The following GNG2 variants were observed in gnomAD, a reference collection of about 807,000 sequenced individuals.
GNG2 encodes G protein subunit gamma 2.
In GNG2, 5 loss-of-function variants were observed where a neutral mutation model predicts 5.5. The observed-to-expected ratio is 0.91, with a 90% CI of 0.48 to 1.92. The LOEUF is 1.92. GNG2 is among the 30% of genes most tolerant of loss of function. The probability of loss-of-function intolerance (pLI) is 0.01; values close to 1 mark genes in which losing one functional copy is unlikely to be tolerated. For synonymous variants in GNG2, 28 were observed against 32.0 expected, an observed-to-expected ratio of 0.88 and a Z score of 0.42; for missense variants, 55 against 88.4, an observed-to-expected ratio of 0.62 and a Z score of 1.52.
At chr14:51,913,488 TG>T (rs1447254810) in intron 2 of GNG2, among the ~76,000 whole-genome samples, 1 of 152,138 alleles carries the variant, frequency 6.6e-6, no homozygotes, top group Non-Finnish European at 1.5e-5. Flanking sequence ...CACTCCAGTC[TG>T]GGTGACAGAG....
intron 2 of GNG2, among the ~76,000 whole-genome samples, chr14:51,880,499 C>T (rs931113354): frequency 6.6e-6 from 1 of 152,144 alleles, no homozygotes; most frequent in Admixed American, 6.5e-5. Context: ...AAATAGATCA[C>T]TGGGTTATTT....
intron 2 of GNG2, among the ~76,000 whole-genome samples, chr14:51,832,093 A>C (rs1047539289): frequency 6.6e-6 from 1 of 152,028 alleles, no homozygotes; most frequent in Non-Finnish European, 1.5e-5. Context: ...CAGCTTGGAC[A>C]ACATGGCGAG....
intron 2 of GNG2, among the ~76,000 whole-genome samples, chr14:51,835,669 C>A (rs1232341599): frequency 6.6e-6 from 1 of 152,194 alleles, no homozygotes; most frequent in African/African-American, 2.4e-5. Context: ...CTCCCCTGAC[C>A]TACAACTTCT....
chr14:51,932,724 T>A (rs1440073884), intron 2 of GNG2, among the ~76,000 whole-genome samples: 1 of 152,204 alleles, frequency 6.6e-6, no homozygotes, highest in Non-Finnish European at 1.5e-5. Flanking sequence ...AAGGAAGCCA[T>A]CCATTGTGTT....
intron 2 of GNG2, among the ~76,000 whole-genome samples, chr14:51,852,930 T>C (rs745450813): frequency 3.4e-4 from 52 of 152,226 alleles, no homozygotes; most frequent in Non-Finnish European, 4.4e-4. Flanking sequence ...GAACAGATTT[T>C]TTTTTCCTGC....
chr14:51,834,945 A>C (rs1195218359), intron 2 of GNG2, among the ~76,000 whole-genome samples: 2 of 152,222 alleles, frequency 1.3e-5, no homozygotes, highest in African/African-American at 4.8e-5. Flanking sequence ...TAAATGAATA[A>C]GGACAAAAAT....
chr14:51,902,521 T>C (rs891864937), intron 2 of GNG2, among the ~76,000 whole-genome samples: 2 of 152,206 alleles, frequency 1.3e-5, no homozygotes, highest in African/African-American at 4.8e-5. Context: ...TATGAACAAC[T>C]CTTCAACCTC....
At chr14:51,915,961 T>C (rs1886594213) in intron 2 of GNG2, among the ~76,000 whole-genome samples, 1 of 152,160 alleles carries the variant, frequency 6.6e-6, no homozygotes, top group Admixed American at 6.5e-5. Flanking sequence ...ATAACTGTCA[T>C]TTTCAGGACG....
chr14:51,846,710 T>C (rs1423940235), intron 2 of GNG2, among the ~76,000 whole-genome samples: 1 of 152,174 alleles, frequency 6.6e-6, no homozygotes, highest in South Asian at 2.1e-4. Context: ...CCCGTCACCA[T>C]GCCAACACCC....
chr14:51,846,128 C>T (rs1881618245), intron 2 of GNG2, among the ~76,000 whole-genome samples: 1 of 152,064 alleles, frequency 6.6e-6, no homozygotes, highest in Non-Finnish European at 1.5e-5. Context: ...AACCATTTGT[C>T]AAAAGGCAGA....
At chr14:51,877,531 CTT>C in intron 1 of GNG2, 84 bp from the exon 2 acceptor site, 1 of 439,028 alleles carries the variant, frequency 2.3e-6, no homozygotes, top group Non-Finnish European at 4.6e-6. Flanking sequence ...GTTTCAGAAA[CTT>C]CATTCATTCT....
chr14:51,877,776 CAT>C, intron 2 of GNG2, 119 bp downstream of exon 2: 1 of 318,794 alleles, frequency 3.1e-6, no homozygotes, highest in South Asian at 2.5e-5. Context: ...AAGAAACAGT[CAT>C]AGAGTCCTTA....
intron 2 of GNG2, among the ~76,000 whole-genome samples, chr14:51,942,593 T>TTTCTCTCTTTCTTTCTTTCTTTCTTTC (rs1555356844): frequency 1.5e-4 from 1 of 6,740 alleles, no homozygotes; most frequent in African/African-American, 3.7e-4. Context: ...TTCTTTCTTT[T>TTTCTCTCTTTCTTTCTTTCTTTCTTTC]TTTTTTTTTT....
Position 51,950,779 on chromosome 14 carries a change from A to G in GNG2, c.87+14A>G. 6.6e-7 allele frequency: 1 copy of G among 1,524,980 alleles called. No individual in the cohort carries two copies. The highest frequency in any genetic ancestry group is 1.2e-5 in the South Asian group (1 of 84,270). The allele number at this position is 1,524,980 out of a possible 1,614,324, so 94.5% of individuals were successfully genotyped here. On this transcript the variant is annotated intron_variant, in intron 3 of 3. Transcript: ENST00000556766. ...GACAGGATAAAGGTGAGGATGGTCT[A>G]ACCCCACACTTCATCTAGCGTGAGT...
At chr14:51,932,319 A>T (rs948218824) in intron 2 of GNG2, among the ~76,000 whole-genome samples, 1 of 151,410 alleles carries the variant, frequency 6.6e-6, no homozygotes, top group Non-Finnish European at 1.5e-5. Context: ...TAGCCCTAAA[A>T]AGAAGGAAAT....
At chr14:51,873,900 G>A (rs563374872) in intron 1 of GNG2, 1 of 152,222 alleles carries the variant, frequency 6.6e-6, no homozygotes, top group Non-Finnish European at 1.5e-5. Context: ...CCTTTATCTT[G>A]GACAGTCATC....
intron 2 of GNG2, among the ~76,000 whole-genome samples, chr14:51,923,787 T>C (rs1594921168): frequency 2.0e-5 from 3 of 152,208 alleles, no homozygotes; most frequent in Non-Finnish European, 2.9e-5. Context: ...GAATTTAAGA[T>C]ACAAATGGAA....
At chr14:51,950,801 G>A (rs1888930039) in intron 3 of GNG2, 36 bp downstream of exon 3, 4 of 1,332,112 alleles carry the variant, frequency 3.0e-6, no homozygotes, top group Non-Finnish European at 3.2e-6. Context: ...CATCTAGCGT[G>A]AGTCTAAGGC....
At chr14:51,924,882 C>T (rs1420609300) in intron 2 of GNG2, among the ~76,000 whole-genome samples, 2 of 152,232 alleles carry the variant, frequency 1.3e-5, no homozygotes, top group African/African-American at 4.8e-5. Flanking sequence ...TAATAACACA[C>T]AGCAGTTGTT....
Sources: gnomAD v4.1 joint callset for allele counts (sites outside exome capture counted in the v4.1 genomes callset) on GRCh38, gnomAD v4.1.1 for gene constraint, MANE v1.5 for transcripts, NCBI Gene and HGNC (gene_info 2026-07-23, HGNC 2026-07-21) for gene names.